The following GPN1 variants were observed in gnomAD, a reference collection of about 807,000 sequenced individuals.
GPN1 encodes ATP(GTP)-binding protein.
A neutral mutation model predicts 55.9 loss-of-function variants in GPN1; 44 were observed. That is an observed-to-expected ratio of 0.79 (90% confidence interval 0.62 to 1.01). The LOEUF (loss-of-function observed/expected upper bound fraction) is 1.01, where lower values mean the gene tolerates loss of function less well. GPN1 is among the 50% of genes least tolerant of loss of function. The probability of loss-of-function intolerance (pLI) is 0.00; values close to 1 mark genes in which losing one functional copy is unlikely to be tolerated. For synonymous variants in GPN1, 179 were observed against 162.5 expected (o/e 1.10, Z -0.77); for missense variants, 466 against 462.8 (o/e 1.01, Z -0.06).
intron 1 of GPN1, chr2:27,629,459 TTTAAAGA>T: frequency 1.4e-6 from 2 of 1,478,062 alleles, no homozygotes; most frequent in Non-Finnish European, 1.9e-6. Flanking sequence ...TACAAGTAAC[TTTAAAGA>T]TTAATACAGT....
rs373369109 is a variant in GPN1, at chr2:27,650,198, T to C, written c.1123T>C (p.Ter375GlnextTer10). 43 of 1,554,192 alleles carry C rather than the reference T, an allele frequency of 2.8e-5. No individual in the cohort carries two copies. The highest frequency in any genetic ancestry group is 2.7e-5 in the African/African-American group (2 of 73,750). Residue 375 changes from the stop codon to glutamine (Q), a stop_lost, in exon 14 of 14, where the codon TAG (stop) becomes CAG (glutamine). Coordinates refer to ENST00000610189, the MANE Select transcript of GPN1 (RefSeq NM_007266.4). The stretch of plus-strand genomic sequence containing the variant: ...ACAATACTGGAAGAGAAACAATAAA[T>C]AGGAGACTTTAGCACACTTCACTTG... ...MAQYWKRNNK[*>Q] is the part of the protein sequence containing the mutation.
At chr2:27,641,211 A>G (rs779447921) in intron 10 of GPN1, 29 bp from the exon 11 acceptor site, 1 of 1,546,062 alleles carries the variant, frequency 6.5e-7, no homozygotes, top group Non-Finnish European at 8.9e-7. Flanking sequence ...GATTAAGCAA[A>G]GGAATTTAGA....
upstream of GPN1, chr2:27,628,594 C>G: frequency 1.9e-6 from 3 of 1,551,548 alleles, no homozygotes; most frequent in Non-Finnish European, 2.6e-6. Flanking sequence ...GAGACTGCAC[C>G]CTGCTCCAGT....
intron 12 of GPN1, among the ~76,000 whole-genome samples, chr2:27,642,958 T>TATACACACAC (rs10643705): frequency 0.092 from 11,224 of 122,434 alleles, 643 homozygotes; most frequent in Middle Eastern, 0.14. Flanking sequence ...TATATATATA[T>TATACACACAC]ACACACACAC....
In GPN1 at chr2:27,629,076, T is replaced by C; in HGVS notation, c.18T>C (p.Ala6=). MAASA[A]AAELQASGGP... is the part of the protein sequence containing the mutation. ...GGAGGAAGATGGCGGCGTCCGCAGC[T>C]GCCGCTGAGCTCCAGGCTTCTGGGG... Residue 6 remains alanine (A), a synonymous_variant, in exon 1 of 14, where the codon GCT becomes GCC. Coordinates refer to ENST00000610189, the MANE Select transcript of GPN1 (RefSeq NM_007266.4). The C allele has an allele frequency of 6.2e-7, 1 of 1,614,234 alleles. No homozygotes were observed. Among genetic ancestry groups the C allele is most frequent in the East Asian group, 2.2e-5 (1 of 44,876 alleles).
chr2:27,631,627 G>A, intron 3 of GPN1: 1 of 587,572 alleles, frequency 1.7e-6, no homozygotes, highest in Non-Finnish European at 3.0e-6. Flanking sequence ...CATTTTGCCT[G>A]ACCACTCCTT....
rs199820330 is a variant in GPN1 at position 27,629,075 on chromosome 2, C to T, written c.17C>T (p.Ala6Val). 11 of 1,614,232 alleles carry T rather than the reference C, an allele frequency of 6.8e-6. No individual in the cohort carries two copies. In the South Asian group the frequency reaches 1.2e-4, roughly 18 times the overall value. Residue 6 changes from alanine (A) to valine (V), a missense_variant, in exon 1 of 14, where the codon GCT becomes GTT. By Grantham distance (64) the Ala-to-Val change is moderately conservative. Coordinates refer to ENST00000610189, the MANE Select transcript of GPN1 (RefSeq NM_007266.4). Reference sequence around the variant, plus strand: ...AGGAGGAAGATGGCGGCGTCCGCAGCTGCCGCTGAGCTCCAGGCTTCTGGG... The same window carrying T: ...AGGAGGAAGATGGCGGCGTCCGCAGTTGCCGCTGAGCTCCAGGCTTCTGGG... MAASA[A>V]AAELQASGGP...
chr2:27,639,511 CT>C (rs78605097), intron 9 of GPN1, among the ~76,000 whole-genome samples: 8 of 150,064 alleles, frequency 5.3e-5, no homozygotes, highest in South Asian at 2.1e-4. Flanking sequence ...TCCTAATTAT[CT>C]TTTTTTTTTC....
Position 27,639,039 on chromosome 2 carries a change from T to A in GPN1, c.717+8T>A, listed in dbSNP as rs1204941693. ...TTTTACAGCTCACTCAGGGTAAATT[T>A]TCTCTCCTGCTCACACTGACAGCCT... On this transcript the variant is annotated splice_region_variant and intron_variant, in intron 9 of 13. Transcript: ENST00000610189. 2.8e-5 allele frequency: 45 copies of A among 1,601,408 alleles called. No homozygotes were observed. Among genetic ancestry groups the A allele is most frequent in the Non-Finnish European group, 3.8e-5 (44 of 1,172,080 alleles).
intron 7 of GPN1, among the ~76,000 whole-genome samples, chr2:27,637,849 C>A (rs968737145): frequency 1.3e-5 from 2 of 152,156 alleles, no homozygotes; most frequent in African/African-American, 4.8e-5. Flanking sequence ...ATTCCAAAAT[C>A]TGAAATAAAA....
At chr2:27,630,739 A>AT (rs1245573612) in intron 2 of GPN1, among the ~76,000 whole-genome samples, 9 of 151,944 alleles carry the variant, frequency 5.9e-5, no homozygotes, top group Non-Finnish European at 1.2e-4. Context: ...AGTAAGAAGC[A>AT]TTTTTTCCCC....
In GPN1 at chr2:27,643,933, T is replaced by A. The variant is rs1572961884; in HGVS notation, c.931+1414T>A. On this transcript the variant is annotated intron_variant, in intron 12 of 13. Coordinates refer to ENST00000610189, the MANE Select transcript of GPN1 (RefSeq NM_007266.4). This position sits in a 1 kb window ranked among gnomAD's most constrained non-coding sequence, Gnocchi z 4.0. Reference sequence around the variant, plus strand: ...GTGGCTCACGCCTGTAATCCCAGCATTTTGGGAGGCCGAGGCGGGTGGATC... The same window carrying A: ...GTGGCTCACGCCTGTAATCCCAGCAATTTGGGAGGCCGAGGCGGGTGGATC... 6.6e-6 allele frequency among the ~76,000 whole-genome samples: 1 copy of A among 152,122 alleles called. No individual in the cohort carries two copies. Among genetic ancestry groups the A allele is most frequent in the South Asian group, 2.1e-4 (1 of 4,832 alleles).
intron 5 of GPN1, among the ~76,000 whole-genome samples, chr2:27,634,023 T>G (rs758760229): frequency 6.6e-6 from 1 of 152,196 alleles, no homozygotes; most frequent in Non-Finnish European, 1.5e-5. Context: ...GGCAATATGA[T>G]TTCTCCACAA....
intron 5 of GPN1, 114 bp from the exon 6 acceptor site, chr2:27,634,732 G>C (rs1041472416): frequency 2.8e-6 from 2 of 704,424 alleles, no homozygotes; most frequent in Non-Finnish European, 2.6e-6. Flanking sequence ...AGATTTGGCA[G>C]TGTGCAGAGG....
chr2:27,648,438 G>C (rs761630077), intron 13 of GPN1, among the ~76,000 whole-genome samples: 1 of 152,176 alleles, frequency 6.6e-6, no homozygotes, highest in Non-Finnish European at 1.5e-5. Flanking sequence ...TGGGTTGCTT[G>C]AGCCCAGAAG....
At chr2:27,645,381 TCTC>T (rs1259738850) in intron 12 of GPN1, among the ~76,000 whole-genome samples, 2 of 152,214 alleles carry the variant, frequency 1.3e-5, no homozygotes, top group Non-Finnish European at 2.9e-5. Context: ...TAGATCAGAT[TCTC>T]CTCCTAATTT....
intron 10 of GPN1, 45 bp from the exon 11 acceptor site, chr2:27,641,195 A>G (rs1558489904): frequency 3.0e-6 from 4 of 1,332,916 alleles, no homozygotes; most frequent in Admixed American, 1.7e-5. Flanking sequence ...AGTCAGTAGG[A>G]TAGAGGATTA....
Position 27,650,944 on chromosome 2 carries a change from G to A in GPN1, c.*744G>A, listed in dbSNP as rs1674507808. On this transcript the variant is annotated 3_prime_UTR_variant, in exon 14 of 14. Coordinates refer to ENST00000610189, the MANE Select transcript of GPN1 (RefSeq NM_007266.4). ...GTTCAACAGAGGCTTAAGGCCAGAT[G>A]TCCAAACTTGTCTCAATAAGGAGGT... is the stretch of plus-strand genomic sequence containing the variant. The A allele has an allele frequency of 6.5e-6, 1 of 152,714 alleles. No homozygotes were observed. The highest frequency in any genetic ancestry group is 1.5e-5 in the Non-Finnish European group (1 of 68,042). 9.5% of individuals were successfully genotyped at this position (152,714 alleles called of 1,614,324 possible).
Position 27,643,099 on chromosome 2 carries a change from C to G in GPN1, c.931+580C>G, listed in dbSNP as rs928550567. On this transcript the variant is annotated intron_variant, in intron 12 of 13. Coordinates refer to ENST00000610189, the MANE Select transcript of GPN1 (RefSeq NM_007266.4). This position sits in a 1 kb window ranked among gnomAD's most constrained non-coding sequence, Gnocchi z 4.0. ...GGGTTCCTCTTTCAGGAAGTTTTTGCTTTACTTTGGCAATATACTTGATGT... is the reference window on the plus strand; with the variant it reads ...GGGTTCCTCTTTCAGGAAGTTTTTGGTTTACTTTGGCAATATACTTGATGT... Among the ~76,000 whole-genome samples the G allele has an allele frequency of 1.3e-5, 2 of 150,588 alleles. No homozygotes were observed. Among genetic ancestry groups the G allele is most frequent in the Admixed American group, 6.6e-5 (1 of 15,110 alleles).
Sources: allele counts gnomAD v4.1 joint callset (sites outside exome capture counted in the v4.1 genomes callset), GRCh38; gene constraint gnomAD v4.1.1; non-coding constraint Gnocchi (gnomAD v3.1); transcripts MANE v1.5; gene names NCBI Gene and HGNC (gene_info 2026-07-23, HGNC 2026-07-21).